The following ACKR3 variants were observed in gnomAD, a reference collection of about 807,000 sequenced individuals.
ACKR3 encodes the protein atypical chemokine receptor 3.
A neutral mutation model predicts 22.4 loss-of-function variants in ACKR3; 6 were observed. The observed-to-expected ratio is 0.27, with a 90% CI of 0.15 to 0.53. The LOEUF is 0.53. Among genes scored for constraint, ACKR3 ranks in the 20% least tolerant of loss-of-function variants. The pLI, the probability that ACKR3 is intolerant of heterozygous loss-of-function variation, is 0.96. For synonymous variants in ACKR3, 209 were observed against 205.2 expected, an observed-to-expected ratio of 1.02 and a Z score of -0.16; for missense variants, 396 against 475.2, an observed-to-expected ratio of 0.83 and a Z score of 1.55.
chr2:236,573,732 C>G (rs920133622), intron 1 of ACKR3, among the ~76,000 whole-genome samples: 6 of 152,200 alleles, frequency 3.9e-5, no homozygotes, highest in Non-Finnish European at 5.9e-5. Flanking sequence ...ACCAGACCAC[C>G]CCACTGCAAA....
chr2:236,565,727 T>C (rs1393086120), upstream of ACKR3, among the ~76,000 whole-genome samples: 1 of 151,990 alleles, frequency 6.6e-6, no homozygotes, highest in South Asian at 2.1e-4. Flanking sequence ...AGGAGGGAGG[T>C]AGACTTTTCC....
intron 1 of ACKR3, among the ~76,000 whole-genome samples, chr2:236,572,131 C>T (rs560561391): frequency 5.3e-5 from 8 of 152,102 alleles, no homozygotes; most frequent in African/African-American, 1.4e-4. Flanking sequence ...GACAGGGAGG[C>T]GTGCAGGCGG....
the ACKR3 span, among the ~76,000 whole-genome samples, chr2:236,548,397 T>G: frequency 1.3e-5 from 2 of 152,204 alleles, no homozygotes; most frequent in African/African-American, 4.8e-5. This position sits in a 1 kb window ranked among gnomAD's most constrained non-coding sequence, Gnocchi z 4.3. Context: ...CACAAAGATG[T>G]TATGAAATCA....
the ACKR3 span, among the ~76,000 whole-genome samples, chr2:236,557,632 A>G: frequency 6.6e-6 from 1 of 152,264 alleles, no homozygotes; most frequent in Non-Finnish European, 1.5e-5. Context: ...AAGTTCATAC[A>G]GATGGAAATA....
chr2:236,549,971 A>G, the ACKR3 span, among the ~76,000 whole-genome samples: 2 of 152,190 alleles, frequency 1.3e-5, no homozygotes, highest in Admixed American at 6.5e-5. The surrounding 1 kb of genome is among the most constrained non-coding windows in gnomAD (Gnocchi z 5.3). Context: ...TGACATCCCC[A>G]ACTGTGAGGG....
At chr2:236,557,841 T>C in the ACKR3 span, among the ~76,000 whole-genome samples, 1 of 152,182 alleles carries the variant, frequency 6.6e-6, no homozygotes, top group Non-Finnish European at 1.5e-5. Context: ...GAACACACCC[T>C]CACTTCTATG....
chr2:236,559,224 A>C, the ACKR3 span, among the ~76,000 whole-genome samples: 3 of 152,260 alleles, frequency 2.0e-5, no homozygotes, highest in Non-Finnish European at 4.4e-5. Context: ...TGCTTCACTC[A>C]GAACTTTCTA....
intron 1 of ACKR3, among the ~76,000 whole-genome samples, chr2:236,578,881 G>T (rs527869984): frequency 6.6e-6 from 1 of 152,340 alleles, no homozygotes; most frequent in East Asian, 1.9e-4. Flanking sequence ...GGGAAAAACC[G>T]CTCCCTTAGG....
the ACKR3 span, among the ~76,000 whole-genome samples, chr2:236,542,892 G>A: frequency 3.5e-5 from 3 of 84,950 alleles, no homozygotes; most frequent in African/African-American, 9.2e-4. Context: ...GGAAGGAGTG[G>A]TACAGATTTT....
At chr2:236,548,877 A>T in the ACKR3 span, among the ~76,000 whole-genome samples, 1 of 152,230 alleles carries the variant, frequency 6.6e-6, no homozygotes, top group South Asian at 2.1e-4. The surrounding 1 kb of genome is among the most constrained non-coding windows in gnomAD (Gnocchi z 4.3). Flanking sequence ...GTGCACATGC[A>T]TCTAAAGAGG....
chr2:236,540,343 T>G, the ACKR3 span, among the ~76,000 whole-genome samples: 1 of 150,378 alleles, frequency 6.6e-6, no homozygotes, highest in African/African-American at 2.5e-5. Context: ...AATTTTGTGT[T>G]CGTCTTTTGT....
intron 1 of ACKR3, among the ~76,000 whole-genome samples, chr2:236,578,494 T>C (rs1460626219): frequency 6.6e-6 from 1 of 152,206 alleles, no homozygotes; most frequent in East Asian, 1.9e-4. Flanking sequence ...TGGAAGGCTT[T>C]CAGAGTGTGG....
rs560059348 is a variant in ACKR3, at chr2:236,582,255, T to C, written c.*701T>C. On this transcript the variant is annotated 3_prime_UTR_variant, in exon 2 of 2. Coordinates refer to ENST00000272928, the MANE Select transcript of ACKR3 (RefSeq NM_020311.3). ...TTTTAAAATAAACAAAAAACTGTTC[T>C]GGACTGCAAATCTGCACACACAACG... The C allele has an allele frequency of 6.0e-6, 1 of 167,202 alleles. No homozygotes were observed. The highest frequency in any genetic ancestry group is 2.1e-4 in the South Asian group (1 of 4,830). The allele number at this position is 167,202 out of a possible 1,614,324, so 10.4% of individuals were successfully genotyped here. A position where few individuals can be genotyped will look rare whatever the true frequency, so the allele number is the denominator to read the frequency against.
At chr2:236,544,104 C>G in the ACKR3 span, among the ~76,000 whole-genome samples, 1 of 150,504 alleles carries the variant, frequency 6.6e-6, no homozygotes, top group Admixed American at 6.6e-5. This position sits in a 1 kb window ranked among gnomAD's most constrained non-coding sequence, Gnocchi z 5.0. Flanking sequence ...ATTCTGCTGC[C>G]TCAGCCTCCC....
chr2:236,544,278 G>A, the ACKR3 span, among the ~76,000 whole-genome samples: 2 of 151,936 alleles, frequency 1.3e-5, no homozygotes, highest in African/African-American at 2.4e-5. The surrounding 1 kb of genome is among the most constrained non-coding windows in gnomAD (Gnocchi z 5.0). Flanking sequence ...GTGAGCCACC[G>A]CGCCCGGAGG....
At chr2:236,565,197 A>T (rs1389510088), upstream of ACKR3, among the ~76,000 whole-genome samples, 1 of 152,070 alleles carries the variant, frequency 6.6e-6, no homozygotes, top group African/African-American at 2.4e-5. Context: ...TTTAATCCTG[A>T]CAAGCACCCA....
intron 1 of ACKR3, among the ~76,000 whole-genome samples, chr2:236,573,525 C>T (rs909039587): frequency 2.0e-5 from 3 of 152,230 alleles, no homozygotes; most frequent in African/African-American, 7.2e-5. Context: ...CAAGTTTCTT[C>T]ATGAAATTCC....
At chr2:236,537,938 C>T in the ACKR3 span, among the ~76,000 whole-genome samples, 2,695 of 152,280 alleles carry the variant, frequency 0.018, 93 homozygotes, top group African/African-American at 0.061. Flanking sequence ...CTGCAGATTA[C>T]ATTTTTTTAG....
At chr2:236,560,315 C>T in the ACKR3 span, among the ~76,000 whole-genome samples, 3,086 of 104,178 alleles carry the variant, frequency 0.03, 153 homozygotes, top group African/African-American at 0.16. Flanking sequence ...GCACTTGTTG[C>T]CTTTTTTTTT....
Sources: allele counts gnomAD v4.1 joint callset (sites outside exome capture counted in the v4.1 genomes callset), GRCh38; gene constraint gnomAD v4.1.1; non-coding constraint Gnocchi (gnomAD v3.1); transcripts MANE v1.5; gene names NCBI Gene and HGNC (gene_info 2026-07-23, HGNC 2026-07-21).